PTPDC1: variants seen among roughly 807,000 people sequenced by gnomAD.
PTPDC1 encodes protein tyrosine phosphatase domain containing 1, also known as protein tyrosine phosphatase domain-containing protein 1.
A neutral mutation model predicts 75.3 loss-of-function variants in PTPDC1; 53 were observed. The observed-to-expected ratio is 0.70, with a 90% CI of 0.56 to 0.88. The LOEUF (loss-of-function observed/expected upper bound fraction) is 0.88, where lower values mean the gene tolerates loss of function less well. Ranked by LOEUF, PTPDC1 falls within the 40% of genes least tolerant of loss-of-function variation. The pLI is 0.00. For synonymous variants in PTPDC1, 349 were observed against 366.2 expected (o/e 0.95, Z 0.54); for missense variants, 925 against 998.6 (o/e 0.93, Z 0.99).
In PTPDC1 at chr9:94,106,936, G is replaced by GGTTTGTTTGTTT. The variant is rs112737054; in HGVS notation, c.2311-871_2311-860dup. ...AAGGAAATTTACTTTATCAAGGTGG[G>GGTTTGTTTGTTT]GTTTGTTTGTTTGTTTGTTTGTTTG... On this transcript the variant is annotated intron_variant, in intron 8 of 8. Transcript: ENST00000620992. 9.6e-4 allele frequency among the ~76,000 whole-genome samples: 146 copies of GGTTTGTTTGTTT among 151,356 alleles called. 1 individual carries two copies. In the East Asian group the frequency reaches 0.012, roughly 12 times the overall value.
Position 94,088,209 on chromosome 9 carries a change from C to A in PTPDC1, c.562C>A (p.Leu188Met). Reference sequence around the variant, plus strand: ...TGAGCATGCTAGCTGTGGGAACCCTCTGGAACAAGAAAGTGGCTTCACATA... The same window carrying A: ...TGAGCATGCTAGCTGTGGGAACCCTATGGAACAAGAAAGTGGCTTCACATA... ...PGEHASCGNP[L>M]EQESGFTYLP... is the part of the protein sequence containing the mutation. Residue 188 changes from leucine to methionine, a missense_variant, in exon 4 of 9, where the codon CTG becomes ATG. Transcript: ENST00000620992. The A allele has an allele frequency of 6.2e-7, 1 of 1,613,980 alleles. No homozygotes were observed. Among genetic ancestry groups the A allele is most frequent in the Non-Finnish European group, 8.5e-7 (1 of 1,179,954 alleles).
chr9:94,094,575 C>A (rs1587899871), intron 4 of PTPDC1, among the ~76,000 whole-genome samples: 1 of 152,164 alleles, frequency 6.6e-6, no homozygotes, highest in African/African-American at 2.4e-5. Flanking sequence ...TAGAGGCAGG[C>A]AGGCCTCCTT....
intron 6 of PTPDC1, 92 bp from the exon 7 acceptor site, chr9:94,101,474 A>G (rs1827837973): frequency 1.1e-6 from 1 of 904,792 alleles, no homozygotes; most frequent in Non-Finnish European, 1.7e-6. Flanking sequence ...TCTTGTGGGC[A>G]GCGCAAGAAT....
chr9:94,031,766 T>TA (rs1252196794), intron 1 of PTPDC1, among the ~76,000 whole-genome samples: 2 of 152,086 alleles, frequency 1.3e-5, no homozygotes, highest in Non-Finnish European at 2.9e-5. Context: ...ATAAAATGTC[T>TA]AAAACGTCTC....
intron 2 of PTPDC1, among the ~76,000 whole-genome samples, chr9:94,066,988 G>T (rs1344116487): frequency 6.6e-6 from 1 of 152,122 alleles, no homozygotes; most frequent in Non-Finnish European, 1.5e-5. Context: ...CCTCAAATAT[G>T]TACCATAACC....
intron 1 of PTPDC1, among the ~76,000 whole-genome samples, chr9:94,036,206 A>G (rs979077498): frequency 3.3e-5 from 5 of 150,766 alleles, no homozygotes; most frequent in African/African-American, 4.9e-5. Flanking sequence ...GACCTTTTTT[A>G]TTTTTGCTTT....
intron 2 of PTPDC1, among the ~76,000 whole-genome samples, chr9:94,069,776 A>G (rs1214871310): frequency 6.7e-6 from 1 of 149,322 alleles, no homozygotes; most frequent in African/African-American, 2.5e-5. Context: ...CAACCTCCCA[A>G]AGTGCTGGGA....
chr9:94,066,800 C>T (rs1426082680), intron 2 of PTPDC1, among the ~76,000 whole-genome samples: 5 of 151,890 alleles, frequency 3.3e-5, no homozygotes, highest in African/African-American at 7.3e-5. Context: ...TCAAATGACC[C>T]GCCTGCCTCA....
chr9:94,053,436 G>T (rs1825842926), intron 1 of PTPDC1, among the ~76,000 whole-genome samples: 1 of 152,010 alleles, frequency 6.6e-6, no homozygotes, highest in Non-Finnish European at 1.5e-5. Flanking sequence ...TTTAAAAGAA[G>T]ACTATTTTTG....
At chr9:94,050,322 G>T (rs541123074) in intron 1 of PTPDC1, among the ~76,000 whole-genome samples, 3 of 152,236 alleles carry the variant, frequency 2.0e-5, no homozygotes, top group African/African-American at 7.2e-5. Context: ...TTTCTGCTCT[G>T]TTTTTTCCCC....
In PTPDC1 at chr9:94,097,955, G is replaced by A. The variant is rs1165832075; in HGVS notation, c.1389G>A (p.Glu463=). ...CCGAGAACCTCCTGGAGCAAGGGGAGACTCCACAGACAGTGCCTGCCCAGA... is the reference window on the plus strand; with the variant it reads ...CCGAGAACCTCCTGGAGCAAGGGGAAACTCCACAGACAGTGCCTGCCCAGA... ...KRAENLLEQG[E]TPQTVPAQIL... Residue 463 remains glutamate (E), a synonymous_variant, in exon 6 of 9, where the codon GAG becomes GAA. Transcript: ENST00000620992. The A allele has an allele frequency of 3.7e-6, 6 of 1,614,068 alleles. No individual in the cohort carries two copies. The highest frequency in any genetic ancestry group is 1.7e-5 in the Admixed American group (1 of 59,998).
intron 2 of PTPDC1, among the ~76,000 whole-genome samples, chr9:94,065,466 G>T (rs1477845884): frequency 6.6e-6 from 1 of 152,232 alleles, no homozygotes; most frequent in Admixed American, 6.5e-5. Flanking sequence ...CTTCACTTTA[G>T]TCCTACTGTA....
chr9:94,087,775 G>A, intron 2 of PTPDC1, 56 bp from the exon 3 acceptor site: 1 of 1,244,440 alleles, frequency 8.0e-7, no homozygotes. Context: ...ACATCTCTTT[G>A]GACTGGAACT....
rs1015339923 is a variant in PTPDC1 at position 94,034,050 on chromosome 9, T to A, written c.-7+2923T>A. ...TAAAATAAATTATATAAGAAAAAGATAGTAAGCAAATAAAGTAATTACAGA... is the reference window on the plus strand; with the variant it reads ...TAAAATAAATTATATAAGAAAAAGAAAGTAAGCAAATAAAGTAATTACAGA... On this transcript the variant is annotated intron_variant, in intron 1 of 9. Coordinates refer to the PTPDC1 transcript ENST00000375360. Among the ~76,000 whole-genome samples, 5 of 152,292 alleles carry A rather than the reference T, an allele frequency of 3.3e-5. No individual in the cohort carries two copies. In the East Asian group the frequency reaches 7.7e-4, roughly 23 times the overall value.
intron 1 of PTPDC1, among the ~76,000 whole-genome samples, chr9:94,045,559 CATT>C (rs1464871965): frequency 6.6e-6 from 1 of 152,080 alleles, no homozygotes; most frequent in African/African-American, 2.4e-5. Context: ...GATGGTATCT[CATT>C]GTGGTTTTGA....
chr9:94,045,654 G>A (rs1825574158), intron 1 of PTPDC1, among the ~76,000 whole-genome samples: 1 of 152,152 alleles, frequency 6.6e-6, no homozygotes, highest in Non-Finnish European at 1.5e-5. Flanking sequence ...TTTGAGAAGT[G>A]TCTGTTCATA....
intron 2 of PTPDC1, among the ~76,000 whole-genome samples, chr9:94,066,704 C>T (rs1826318495): frequency 6.6e-6 from 1 of 151,912 alleles, no homozygotes; most frequent in African/African-American, 2.4e-5. Context: ...ACCACAGGTG[C>T]ATGCCACCAC....
rs186727629 is a variant in PTPDC1, at chr9:94,107,456, C to T, written c.2311-372C>T. Among the ~76,000 whole-genome samples, 445 of 152,262 alleles carry T rather than the reference C, an allele frequency of 2.9e-3. 1 individual carries two copies. Among genetic ancestry groups the T allele is most frequent in the African/African-American group, 0.01 (428 of 41,552 alleles). On this transcript the variant is annotated intron_variant, in intron 8 of 8. Coordinates refer to ENST00000620992, the MANE Select transcript of PTPDC1 (RefSeq NM_001253829.2). ...GACCCTGTCCAGAGTGGCCGTAGGGCCTCTCAGCAGGACGTATACAGCTGA... is the reference window on the plus strand; with the variant it reads ...GACCCTGTCCAGAGTGGCCGTAGGGTCTCTCAGCAGGACGTATACAGCTGA...
At chr9:94,085,178 G>A in intron 1 of PTPDC1, 73 bp from the exon 2 acceptor site, 2 of 1,334,192 alleles carry the variant, frequency 1.5e-6, no homozygotes, top group Middle Eastern at 2.0e-4. Context: ...GAGATAAAAT[G>A]GAAGCTATTT....
Sources: gnomAD v4.1 joint callset for allele counts (sites outside exome capture counted in the v4.1 genomes callset) on GRCh38, gnomAD v4.1.1 for gene constraint, MANE v1.5 for transcripts, NCBI Gene and HGNC (gene_info 2026-07-23, HGNC 2026-07-21) for gene names.